NALF1: variants seen among roughly 807,000 people sequenced by gnomAD.
NALF1 encodes the protein family with sequence similarity 155 member A.
In NALF1, 3 loss-of-function variants were observed where a neutral mutation model predicts 48.4. The observed-to-expected ratio is 0.06, with a 90% confidence interval of 0.03 to 0.16. The LOEUF (loss-of-function observed/expected upper bound fraction) is 0.16. Ranked by LOEUF, NALF1 falls within the 10% of genes least tolerant of loss-of-function variation. The pLI, the probability that NALF1 is intolerant of heterozygous loss-of-function variation, is 1.00. For missense variants in NALF1, 526 were observed against 571.5 expected (o/e 0.92, Z 0.81); for synonymous variants, 262 against 245.7 (o/e 1.07, Z -0.62).
chr13:107,502,734 T>C (rs1875562118), intron 1 of NALF1, among the ~76,000 whole-genome samples: 1 of 152,218 alleles, frequency 6.6e-6, no homozygotes, highest in Non-Finnish European at 1.5e-5. Flanking sequence ...AATCTAGATG[T>C]TTCCCCTGAT....
At chr13:107,580,772 T>C (rs57647348) in intron 1 of NALF1, among the ~76,000 whole-genome samples, 12,134 of 152,232 alleles carry the variant, frequency 0.08, 934 homozygotes, top group African/African-American at 0.2. Flanking sequence ...ACAGATTGTT[T>C]TCCTCTTCCT....
chr13:107,583,373 C>T (rs1878368438), intron 1 of NALF1, among the ~76,000 whole-genome samples: 1 of 151,966 alleles, frequency 6.6e-6, no homozygotes, highest in Non-Finnish European at 1.5e-5. Flanking sequence ...AATTTTTATT[C>T]TAAGATATTT....
At chr13:107,652,577 C>G (rs981847799) in intron 1 of NALF1, among the ~76,000 whole-genome samples, 3 of 152,030 alleles carry the variant, frequency 2.0e-5, no homozygotes, top group Non-Finnish European at 4.4e-5. Context: ...AGGATGGTGC[C>G]CATCCCACAT....
At chr13:107,835,724 A>C (rs1217826215) in intron 1 of NALF1, among the ~76,000 whole-genome samples, 1 of 152,206 alleles carries the variant, frequency 6.6e-6, no homozygotes, top group Non-Finnish European at 1.5e-5. Context: ...GAAATGTGTG[A>C]AGTGACAATA....
At chr13:107,257,138 T>C (rs980745632) in intron 1 of NALF1, among the ~76,000 whole-genome samples, 2 of 152,088 alleles carry the variant, frequency 1.3e-5, no homozygotes, top group Non-Finnish European at 2.9e-5. Context: ...TCAGATTTCA[T>C]GAGAACTTAC....
intron 1 of NALF1, among the ~76,000 whole-genome samples, chr13:107,332,722 A>G (rs1882490992): frequency 6.6e-6 from 1 of 152,240 alleles, no homozygotes; most frequent in African/African-American, 2.4e-5. Flanking sequence ...GTCACTGTGA[A>G]CACCTAGTAG....
intron 1 of NALF1, among the ~76,000 whole-genome samples, chr13:107,385,480 G>A (rs1486796524): frequency 1.3e-5 from 2 of 149,602 alleles, no homozygotes. Context: ...TTGAACCCAG[G>A]AGGTGGAGGT....
At chr13:107,243,306 CCTT>C (rs1566462114) in intron 1 of NALF1, among the ~76,000 whole-genome samples, 4 of 152,168 alleles carry the variant, frequency 2.6e-5, no homozygotes. Flanking sequence ...CCTTCCTTCT[CCTT>C]CTTAAGATCT....
intron 1 of NALF1, among the ~76,000 whole-genome samples, chr13:107,619,844 T>C (rs188472974): frequency 1.3e-5 from 2 of 152,260 alleles, no homozygotes; most frequent in Admixed American, 6.5e-5. Flanking sequence ...TATGATACGA[T>C]TTAGCCAAAC....
At chr13:107,755,003 T>A (rs1034896110) in intron 1 of NALF1, among the ~76,000 whole-genome samples, 2 of 152,236 alleles carry the variant, frequency 1.3e-5, no homozygotes, top group Non-Finnish European at 2.9e-5. Context: ...GTGGTAGTAA[T>A]CCTGTGTCTC....
intron 2 of NALF1, among the ~76,000 whole-genome samples, chr13:107,186,150 A>G (rs561549552): frequency 5.3e-5 from 8 of 152,272 alleles, no homozygotes; most frequent in Admixed American, 4.6e-4. Flanking sequence ...GACTGAAAAA[A>G]TATAGTATAC....
chr13:107,866,325 T>A lies in NALF1; in HGVS notation c.272A>T (p.Gln91Leu). The change falls in exon 1 of 3, where the codon CAG (glutamine) becomes CTG (leucine). Residue 91 changes from glutamine (Q) to leucine (L), a missense_variant. This residue lies in a region of NALF1 where 373 missense variants were observed against 355.5 expected (regional missense o/e 1.05). Transcript: ENST00000375915. This position sits in a 1 kb window ranked among gnomAD's most constrained non-coding sequence, Gnocchi z 4.4. The stretch of plus-strand genomic sequence containing the variant: ...CTGCTGCCGCCGCTGCTGCTGCTGC[T>A]GCTGCCGCTGCCTCTGCTGCTGCTG... ...QQQQQQRQRQ[Q>L]QQQQRRQQEP... is the part of the protein sequence containing the mutation. 1 of 1,609,378 alleles carries A rather than the reference T, an allele frequency of 6.2e-7. No homozygotes were observed. The highest frequency in any genetic ancestry group is 8.5e-7 in the Non-Finnish European group (1 of 1,179,012).
chr13:107,177,200 T>C (rs982797327), intron 2 of NALF1, among the ~76,000 whole-genome samples: 5 of 151,890 alleles, frequency 3.3e-5, no homozygotes, highest in East Asian at 1.9e-4. Context: ...CTATGCAACA[T>C]TGATGAAAGA....
chr13:107,298,362 A>G (rs1881766623), intron 1 of NALF1, among the ~76,000 whole-genome samples: 1 of 148,048 alleles, frequency 6.8e-6, no homozygotes, highest in African/African-American at 2.5e-5. Flanking sequence ...AAAAAAAAAA[A>G]AAAAAAAAAA....
intron 1 of NALF1, among the ~76,000 whole-genome samples, chr13:107,755,093 G>C (rs567678031): frequency 6.6e-6 from 1 of 152,114 alleles, no homozygotes; most frequent in Non-Finnish European, 1.5e-5. Flanking sequence ...AAGGCATAAG[G>C]AGTTAAAACC....
chr13:107,624,392 G>A (rs535147691), intron 1 of NALF1, among the ~76,000 whole-genome samples: 2 of 152,152 alleles, frequency 1.3e-5, no homozygotes, highest in African/African-American at 4.8e-5. Context: ...CCCTTCCATG[G>A]TATATTAAAG....
At chr13:107,492,889 A>G (rs1481609919) in intron 1 of NALF1, among the ~76,000 whole-genome samples, 3 of 152,184 alleles carry the variant, frequency 2.0e-5, no homozygotes, top group East Asian at 3.8e-4. Flanking sequence ...CCAAAAAAAC[A>G]CAGCTGTTGT....
intron 1 of NALF1, among the ~76,000 whole-genome samples, chr13:107,827,130 C>T (rs1193791053): frequency 6.6e-6 from 1 of 152,162 alleles, no homozygotes; most frequent in Non-Finnish European, 1.5e-5. Context: ...TGACTACAGA[C>T]TCCTAAAACT....
At chr13:107,750,810 G>A (rs1405071140) in intron 1 of NALF1, among the ~76,000 whole-genome samples, 1 of 152,176 alleles carries the variant, frequency 6.6e-6, no homozygotes, top group Non-Finnish European at 1.5e-5. Context: ...AGACGTTAAA[G>A]TTGAAATAAC....
Sources: allele counts gnomAD v4.1 joint callset (sites outside exome capture counted in the v4.1 genomes callset), GRCh38; gene constraint gnomAD v4.1.1; regional missense constraint gnomAD v4.1.1; non-coding constraint Gnocchi (gnomAD v3.1); transcripts MANE v1.5; gene names NCBI Gene and HGNC (gene_info 2026-07-23, HGNC 2026-07-21).